Variants in TOP6BL observed in about 807,000 individuals in gnomAD.
TOP6BL encodes TOP6B like initiator of meiotic double strand breaks, also known as type 2 DNA topoisomerase 6 subunit B-like.
At chr11:66,831,948 GATC>G in the TOP6BL span, among the ~76,000 whole-genome samples, 1 of 122,216 alleles carries the variant, frequency 8.2e-6, no homozygotes, top group Non-Finnish European at 1.6e-5. Flanking sequence ...AGCGAGCTGA[GATC>G]ATGCCACTGT....
chr11:66,755,207 G>A, the TOP6BL span, among the ~76,000 whole-genome samples: 4 of 150,882 alleles, frequency 2.7e-5, no homozygotes, highest in South Asian at 4.2e-4. Context: ...TTCAACCTCC[G>A]CCTCCTGGGT....
the TOP6BL span, among the ~76,000 whole-genome samples, chr11:66,745,270 A>G: frequency 1.5e-5 from 2 of 135,624 alleles, no homozygotes; most frequent in East Asian, 5.3e-4. Flanking sequence ...GGGGCGCGGA[A>G]AGAAGGAAAG....
the TOP6BL span, among the ~76,000 whole-genome samples, chr11:66,841,493 G>A: frequency 3.3e-5 from 5 of 152,166 alleles, no homozygotes; most frequent in South Asian, 2.1e-4. Flanking sequence ...TCCTGGTGAC[G>A]CCTCTATCTC....
chr11:66,760,501 A>G, the TOP6BL span, among the ~76,000 whole-genome samples: 1 of 150,780 alleles, frequency 6.6e-6, no homozygotes, highest in Non-Finnish European at 1.5e-5. Context: ...ACAACTGGCC[A>G]GGCACAGTGG....
the TOP6BL span, among the ~76,000 whole-genome samples, chr11:66,835,172 T>A: frequency 4.6e-5 from 7 of 152,002 alleles, no homozygotes; most frequent in African/African-American, 1.7e-4. Context: ...GAGCTTCATA[T>A]CTCAATGCGG....
chr11:66,756,322 A>G, the TOP6BL span: 2 of 1,188,352 alleles, frequency 1.7e-6, no homozygotes, highest in Non-Finnish European at 2.1e-6. Context: ...CATACAGTTA[A>G]CCCCCTTTTC....
At chr11:66,755,474 G>C in the TOP6BL span, among the ~76,000 whole-genome samples, 4 of 152,084 alleles carry the variant, frequency 2.6e-5, no homozygotes, top group Non-Finnish European at 4.4e-5. Flanking sequence ...TTCCATCCTT[G>C]TGGGTTTGTG....
At chr11:66,775,862 A>G in the TOP6BL span, among the ~76,000 whole-genome samples, 4 of 152,088 alleles carry the variant, frequency 2.6e-5, no homozygotes. Context: ...GGTCTTAGAT[A>G]TCTTTTGCTA....
chr11:66,833,303 C>A, the TOP6BL span, among the ~76,000 whole-genome samples: 5 of 152,050 alleles, frequency 3.3e-5, no homozygotes, highest in African/African-American at 9.7e-5. Context: ...GCTGCTTTGG[C>A]CTCCCAAAGT....
At chr11:66,822,649 G>T in the TOP6BL span, 1,039 of 1,550,260 alleles carry the variant, frequency 6.7e-4, no homozygotes, top group Admixed American at 6.3e-4. Flanking sequence ...AGCAGCTTCC[G>T]AAAGATGTGT....
the TOP6BL span, chr11:66,748,338 C>A: frequency 6.9e-7 from 1 of 1,449,934 alleles, no homozygotes. Flanking sequence ...ACTGTGATTT[C>A]TAAAGAAGAT....
the TOP6BL span, among the ~76,000 whole-genome samples, chr11:66,799,432 C>T: frequency 6.6e-6 from 1 of 151,382 alleles, no homozygotes; most frequent in Non-Finnish European, 1.5e-5. Context: ...CACGGTGGCT[C>T]ATGCCTGTAA....
the TOP6BL span, among the ~76,000 whole-genome samples, chr11:66,760,076 A>G: frequency 2.0e-5 from 3 of 152,212 alleles, no homozygotes; most frequent in African/African-American, 4.8e-5. Flanking sequence ...TTACAAAATA[A>G]CTTTTAAAAA....
At chr11:66,838,476 G>A in the TOP6BL span, 3 of 1,584,920 alleles carry the variant, frequency 1.9e-6, no homozygotes, top group Non-Finnish European at 2.6e-6. Context: ...GTGAGCCCTG[G>A]ACTGCAGCAG....
chr11:66,836,431 A>G, the TOP6BL span, among the ~76,000 whole-genome samples: 12 of 151,706 alleles, frequency 7.9e-5, no homozygotes, highest in South Asian at 2.5e-3. Context: ...GGATGGTCTC[A>G]ATCTCCTGAT....
chr11:66,751,411 T>A, the TOP6BL span, among the ~76,000 whole-genome samples: 1 of 152,034 alleles, frequency 6.6e-6, no homozygotes, highest in Non-Finnish European at 1.5e-5. Context: ...GCCAGGATGG[T>A]CTCGATCTCT....
chr11:66,802,477 T>A, the TOP6BL span, among the ~76,000 whole-genome samples: 105 of 151,904 alleles, frequency 6.9e-4, 1 homozygote, highest in East Asian at 0.012. Context: ...TTAAAAAAAA[T>A]TTTTTTTTGT....
At chr11:66,771,940 T>A in the TOP6BL span, among the ~76,000 whole-genome samples, 1 of 152,196 alleles carries the variant, frequency 6.6e-6, no homozygotes, top group Non-Finnish European at 1.5e-5. Context: ...GCTTATTATT[T>A]AGGAAATACA....
the TOP6BL span, among the ~76,000 whole-genome samples, chr11:66,752,690 C>A: frequency 6.6e-6 from 1 of 151,914 alleles, no homozygotes; most frequent in Non-Finnish European, 1.5e-5. Context: ...TGACCTCAAG[C>A]GATCCACCCA....
Sources: gnomAD v4.1 joint callset for allele counts (sites outside exome capture counted in the v4.1 genomes callset) on GRCh38, gnomAD v4.1.1 for gene constraint, MANE v1.5 for transcripts, NCBI Gene and HGNC (gene_info 2026-07-23, HGNC 2026-07-21) for gene names.